Variants in OGFOD3 observed in about 807,000 individuals in gnomAD.
The protein encoded by OGFOD3 is 2-oxoglutarate and iron-dependent oxygenase domain-containing protein 3.
A neutral mutation model predicts 39.8 loss-of-function variants in OGFOD3; 35 were observed. The ratio of observed to expected loss-of-function variants is 0.88; its 90% CI spans 0.67 to 1.17. The LOEUF is 1.17. Ranked by LOEUF, OGFOD3 falls within the 50% of genes most tolerant of loss-of-function variation. The pLI is 0.00. For missense variants in OGFOD3, 438 were observed against 454.5 expected (o/e 0.96, Z 0.33); for synonymous variants, 200 against 192.0 (o/e 1.04, Z -0.34).
rs897207330 is a variant in OGFOD3 at position 82,406,597 on chromosome 17, TTTTTTG to T, written c.424-121_424-116del. ...TCTGGCCAGCACACACCTCAGGTGT[TTTTTTG>T]TTTTTGTTTTTGTTTTTTGTAAAAA... On this transcript the variant is annotated intron_variant, in intron 4 of 8. Transcript: ENST00000313056. This position sits in a 1 kb window ranked among gnomAD's most constrained non-coding sequence, Gnocchi z 5.2. 24 of 876,964 alleles carry T rather than the reference TTTTTTG, an allele frequency of 2.7e-5. No individual in the cohort carries two copies. Among genetic ancestry groups the T allele is most frequent in the Middle Eastern group, 4.3e-4 (2 of 4,630 alleles). The allele number at this position is 876,964 out of a possible 1,614,324, so 54.3% of individuals were successfully genotyped here. A position where few individuals can be genotyped will look rare whatever the true frequency, so the allele number is the denominator to read the frequency against.
At chr17:82,394,181 G>A (rs2052634862) in intron 8 of OGFOD3, 2 of 499,512 alleles carry the variant, frequency 4.0e-6, no homozygotes, top group Non-Finnish European at 6.9e-6. Flanking sequence ...TAGTAGAGAT[G>A]TAGTTTCACC....
At chr17:82,410,025 C>A (rs1431999491) in intron 3 of OGFOD3, among the ~76,000 whole-genome samples, 1 of 152,260 alleles carries the variant, frequency 6.6e-6, no homozygotes, top group Non-Finnish European at 1.5e-5. Context: ...GGGCCCACTG[C>A]TCCCCATCTC....
chr17:82,417,636 T>A (rs1000893041), intron 1 of OGFOD3, among the ~76,000 whole-genome samples: 7 of 101,848 alleles, frequency 6.9e-5, no homozygotes, highest in South Asian at 6.4e-4. Flanking sequence ...AAAAAAAAAA[T>A]TATAGCTGTG....
At chr17:82,401,803 C>CAAAAAAAAAAAAAA (rs79956747) in intron 7 of OGFOD3, among the ~76,000 whole-genome samples, 32 of 61,678 alleles carry the variant, frequency 5.2e-4, no homozygotes, top group East Asian at 2.9e-3. Context: ...GACTCCATCT[C>CAAAAAAAAAAAAAA]AAAAAAAAAA....
At chr17:82,416,555 G>A (rs1233922007) in intron 1 of OGFOD3, among the ~76,000 whole-genome samples, 1 of 152,192 alleles carries the variant, frequency 6.6e-6, no homozygotes, top group Non-Finnish European at 1.5e-5. Flanking sequence ...AGCAGGTATT[G>A]GGCCTGTCCC....
chr17:82,415,971 G>A lies in OGFOD3; in HGVS notation c.75-344C>T, dbSNP rs1187055252. 6.6e-6 allele frequency among the ~76,000 whole-genome samples: 1 copy of A among 151,930 alleles called. No homozygotes were observed. Among genetic ancestry groups the A allele is most frequent in the Non-Finnish European group, 1.5e-5 (1 of 67,996 alleles). The stretch of plus-strand genomic sequence containing the variant: ...AGGCCCGGCGCAGTGGCTTATGCCT[G>A]TAATCCCAGCACCTGGGGAGGCCAA... On this transcript the variant is annotated intron_variant, in intron 1 of 8. Coordinates refer to ENST00000313056, the MANE Select transcript of OGFOD3 (RefSeq NM_024648.3). This position sits in a 1 kb window ranked among gnomAD's most constrained non-coding sequence, Gnocchi z 5.3.
At chr17:82,394,874 C>T (rs2052648411) in intron 8 of OGFOD3, among the ~76,000 whole-genome samples, 1 of 152,186 alleles carries the variant, frequency 6.6e-6, no homozygotes, top group Non-Finnish European at 1.5e-5. Flanking sequence ...CTCGGCCGAG[C>T]ATCCCTGGTC....
intron 2 of OGFOD3, among the ~76,000 whole-genome samples, chr17:82,412,778 C>T (rs775019678): frequency 6.6e-6 from 1 of 152,178 alleles, no homozygotes; most frequent in Non-Finnish European, 1.5e-5. Flanking sequence ...CATGCCTGAT[C>T]GATCAGACAG....
chr17:82,416,863 C>T (rs1394607890), intron 1 of OGFOD3, among the ~76,000 whole-genome samples: 3 of 151,826 alleles, frequency 2.0e-5, no homozygotes, highest in Non-Finnish European at 4.4e-5. Context: ...GTAATAGAGA[C>T]GGGGTTTCAC....
At chr17:82,397,382 C>G (rs2052690347) in intron 8 of OGFOD3, among the ~76,000 whole-genome samples, 1 of 47,112 alleles carries the variant, frequency 2.1e-5, no homozygotes, top group Non-Finnish European at 4.3e-5. Flanking sequence ...GGGCAGTGCC[C>G]TGGGGACGGG....
intron 7 of OGFOD3, among the ~76,000 whole-genome samples, chr17:82,399,965 C>T (rs1368735991): frequency 2.6e-5 from 4 of 152,214 alleles, no homozygotes; most frequent in East Asian, 1.9e-4. Context: ...ACTGTGCGGG[C>T]GCTGAGCTAG....
intron 3 of OGFOD3, among the ~76,000 whole-genome samples, chr17:82,411,034 A>G (rs2052933757): frequency 6.7e-6 from 1 of 150,110 alleles, no homozygotes; most frequent in South Asian, 2.1e-4. Flanking sequence ...AATTCTTATA[A>G]AATTATAATA....
At chr17:82,412,873 C>T (rs932957671) in intron 2 of OGFOD3, among the ~76,000 whole-genome samples, 4 of 152,176 alleles carry the variant, frequency 2.6e-5, no homozygotes, top group Admixed American at 2.6e-4. Context: ...CCTAAAAAGC[C>T]AGCCCTGAGC....
At chr17:82,401,027 T>C (rs949622994) in intron 7 of OGFOD3, 1 of 152,112 alleles carries the variant, frequency 6.6e-6, no homozygotes, top group Non-Finnish European at 1.5e-5. Context: ...TTAAAGTGGT[T>C]ACGGCAAAGC....
At chr17:82,396,174 AAC>A (rs2052669676) in intron 8 of OGFOD3, among the ~76,000 whole-genome samples, 1 of 151,732 alleles carries the variant, frequency 6.6e-6, no homozygotes, top group Non-Finnish European at 1.5e-5. Context: ...ATCGCAGGTA[AAC>A]ACATAGATAC....
At chr17:82,401,924 GGGGCAGCAAGA>G (rs1482129679) in intron 7 of OGFOD3, among the ~76,000 whole-genome samples, 1 of 151,972 alleles carries the variant, frequency 6.6e-6, no homozygotes, top group Non-Finnish European at 1.5e-5. Flanking sequence ...CGGGCATGGT[GGGGCAGCAAGA>G]GTCCTAATCT....
intron 1 of OGFOD3, among the ~76,000 whole-genome samples, chr17:82,418,116 G>A (rs1298845450): frequency 6.6e-6 from 1 of 152,216 alleles, no homozygotes; most frequent in Non-Finnish European, 1.5e-5. Flanking sequence ...CAAACGGCAG[G>A]TTCCCGGAGC....
chr17:82,396,431 C>G (rs1190707226), intron 8 of OGFOD3: 2 of 139,602 alleles, frequency 1.4e-5, no homozygotes, highest in Non-Finnish European at 3.3e-5. Flanking sequence ...GGGAAACACA[C>G]AGATACACAC....
chr17:82,418,448 T>G lies in OGFOD3; in HGVS notation c.38A>C (p.Glu13Ala). ...CCGGCGCTCGGCCGCTCCGTTGCCC[T>G]CGGGCGCCTTGGTTGCGGCCCTCCG... is the stretch of plus-strand genomic sequence containing the variant. ...PQRRAATKAP[E>A]GNGAAERRNR... The change falls in exon 1 of 9, where the codon GAG (glutamate) becomes GCG (alanine). Residue 13 changes from glutamate (E) to alanine (A), a missense_variant. Physicochemically the swap from Glu to Ala is moderately radical, Grantham distance 107. Coordinates refer to ENST00000313056, the MANE Select transcript of OGFOD3 (RefSeq NM_024648.3). 2.7e-6 allele frequency: 4 copies of G among 1,476,160 alleles called. No individual in the cohort carries two copies. The highest frequency in any genetic ancestry group is 3.0e-5 in the East Asian group (1 of 33,586). 91.4% of individuals were successfully genotyped at this position (1,476,160 alleles called of 1,614,324 possible). A position where few individuals can be genotyped will look rare whatever the true frequency, so the allele number is the denominator to read the frequency against.
Sources: allele counts gnomAD v4.1 joint callset (sites outside exome capture counted in the v4.1 genomes callset), GRCh38; gene constraint gnomAD v4.1.1; non-coding constraint Gnocchi (gnomAD v3.1); transcripts MANE v1.5; gene names NCBI Gene and HGNC (gene_info 2026-07-23, HGNC 2026-07-21).